CDH23: variants seen among roughly 807,000 people sequenced by gnomAD.
CDH23 encodes the protein cadherin-23.
CDH23 carries 189 observed loss-of-function variants against 317.1 expected under a neutral mutation model. The ratio of observed to expected loss-of-function variants is 0.60; its 90% CI spans 0.53 to 0.67. The LOEUF is 0.67. Among genes scored for constraint, CDH23 ranks in the 30% least tolerant of loss-of-function variants. The pLI is 0.00. For missense variants in CDH23, 4,401 were observed against 4,592.4 expected, an observed-to-expected ratio of 0.96 and a Z score of 1.20; for synonymous variants, 1,839 against 1,876.8, an observed-to-expected ratio of 0.98 and a Z score of 0.52.
chr10:71,397,225 C>T lies in CDH23; in HGVS notation c.-99C>T. The T allele has an allele frequency of 4.2e-6, 1 of 238,534 alleles. No homozygotes were observed. Among genetic ancestry groups the T allele is most frequent in the Non-Finnish European group, 8.4e-6 (1 of 119,196 alleles). 14.8% of individuals were successfully genotyped at this position (238,534 alleles called of 1,614,324 possible). On this transcript the variant is annotated 5_prime_UTR_variant, in exon 1 of 70. Coordinates refer to ENST00000224721, the MANE Select transcript of CDH23 (RefSeq NM_022124.6). The surrounding 1 kb of genome is among the most constrained non-coding windows in gnomAD (Gnocchi z 4.8). ...CGCCGGCGGGAAGACGCGGCGGTGG[C>T]CAGGGCCAGAGCAGGCGGCCCGCGG...
At chr10:71,659,784 C>G (rs1480287479) in intron 14 of CDH23, among the ~76,000 whole-genome samples, 9 of 152,154 alleles carry the variant, frequency 5.9e-5, no homozygotes, top group Admixed American at 5.9e-4. Context: ...TTGAACCTCT[C>G]TAGAAGGAGC....
chr10:71,557,365 G>T (rs569098805), intron 6 of CDH23, among the ~76,000 whole-genome samples: 1 of 152,250 alleles, frequency 6.6e-6, no homozygotes, highest in East Asian at 1.9e-4. Context: ...CATTCTCCCT[G>T]GAGTGTCCAC....
chr10:71,809,259 G>A (rs565817171), intron 60 of CDH23, among the ~76,000 whole-genome samples: 6 of 135,750 alleles, frequency 4.4e-5, no homozygotes, highest in Non-Finnish European at 9.2e-5. Context: ...GCTCACTGCA[G>A]CCTCTGCCTC....
chr10:71,636,894 C>T (rs1386355001), intron 11 of CDH23, among the ~76,000 whole-genome samples: 1 of 152,208 alleles, frequency 6.6e-6, no homozygotes, highest in East Asian at 1.9e-4. Flanking sequence ...CACCATGTGA[C>T]ATGGGCTTGC....
intron 26 of CDH23, 100 bp downstream of exon 26, chr10:71,707,149 G>A (rs146677585): frequency 1.3e-6 from 2 of 1,549,330 alleles, no homozygotes; most frequent in African/African-American, 2.7e-5. Context: ...GGTGAGGGTG[G>A]AAAAGAGGTC....
chr10:71,691,205 C>G (rs1325499524), intron 20 of CDH23, among the ~76,000 whole-genome samples: 2 of 152,266 alleles, frequency 1.3e-5, no homozygotes, highest in African/African-American at 4.8e-5. Context: ...CCTCAGTTTT[C>G]TCTCTTCCTT....
intron 6 of CDH23, among the ~76,000 whole-genome samples, chr10:71,518,693 A>G (rs1279494940): frequency 6.6e-6 from 1 of 152,238 alleles, no homozygotes; most frequent in East Asian, 1.9e-4. Flanking sequence ...CTGCCCACAC[A>G]CACACAGGCT....
At chr10:71,736,250 C>T (rs1839561627) in intron 34 of CDH23, among the ~76,000 whole-genome samples, 1 of 152,248 alleles carries the variant, frequency 6.6e-6, no homozygotes, top group African/African-American at 2.4e-5. Flanking sequence ...GAGAGGCTCC[C>T]AGGGGCCGCT....
chr10:71,431,068 T>C (rs145127437), intron 1 of CDH23, among the ~76,000 whole-genome samples: 2 of 152,236 alleles, frequency 1.3e-5, no homozygotes, highest in Non-Finnish European at 2.9e-5. Flanking sequence ...ACCTTGAGCG[T>C]TGCCTCTGGG....
intron 28 of CDH23, chr10:71,714,628 T>C (rs988572498): frequency 3.3e-5 from 5 of 152,228 alleles, no homozygotes; most frequent in African/African-American, 1.2e-4. Flanking sequence ...GAAAGATTAA[T>C]TGGAGCCAGC....
Position 71,789,387 on chromosome 10 carries a change from G to A in CDH23, c.5923+345G>A, listed in dbSNP as rs189856909. Among the ~76,000 whole-genome samples, 37 of 152,276 alleles carry A rather than the reference G, an allele frequency of 2.4e-4. No individual in the cohort carries two copies. The East Asian group carries it at 6.4e-3, about 26-fold the overall frequency. On this transcript the variant is annotated intron_variant, in intron 45 of 69. Coordinates refer to ENST00000224721, the MANE Select transcript of CDH23 (RefSeq NM_022124.6). The stretch of plus-strand genomic sequence containing the variant: ...TCACTGCTCCCTCCACCCCAGGAGT[G>A]CAGGGCATCCCAGGGCCTTCTGGAA...
chr10:71,774,809 G>C (rs1369236130), intron 38 of CDH23, among the ~76,000 whole-genome samples: 1 of 152,166 alleles, frequency 6.6e-6, no homozygotes, highest in African/African-American at 2.4e-5. Context: ...GAGAGGCAGA[G>C]GACACTCAGA....
intron 6 of CDH23, among the ~76,000 whole-genome samples, chr10:71,564,672 G>C (rs765402463): frequency 2.6e-5 from 4 of 152,206 alleles, no homozygotes; most frequent in Non-Finnish European, 5.9e-5. Context: ...CACGGGAGCC[G>C]TCCCTCTCCT....
In CDH23 at chr10:71,742,153, G is replaced by A. The variant is rs545420376; in HGVS notation, c.4845+232G>A. ...GGCCTCCCGAGTCTATAGCTACTCA[G>A]AAGCTCTGTTTAGTCCTCTTTTCTC... On this transcript the variant is annotated intron_variant, in intron 38 of 69. Transcript: ENST00000224721. The A allele has an allele frequency of 5.3e-5, 30 of 569,724 alleles. 1 individual carries two copies. Among genetic ancestry groups the A allele is most frequent in the Admixed American group, 3.3e-4 (11 of 32,896 alleles). 35.3% of individuals were successfully genotyped at this position (569,724 alleles called of 1,614,324 possible).
intron 8 of CDH23, among the ~76,000 whole-genome samples, chr10:71,576,070 C>T (rs529665076): frequency 2.0e-5 from 3 of 152,346 alleles, no homozygotes; most frequent in East Asian, 1.9e-4. Context: ...GAGCCCTGCC[C>T]GCCCAGGGGG....
At position 71,460,491 on chromosome 10, in the gene CDH23, G is replaced by A. The variant is rs908686828; in HGVS notation, c.145+14096G>A. On this transcript the variant is annotated intron_variant, in intron 3 of 69. Transcript: ENST00000224721. ...GATAATTCAAGATGAATATGCTGGC[G>A]TCCGACTGGAGTGAGATGGAGAGAT... 3.5e-4 allele frequency among the ~76,000 whole-genome samples: 54 copies of A among 152,378 alleles called. 1 individual carries two copies. Among genetic ancestry groups the A allele is most frequent in the African/African-American group, 1.3e-3 (52 of 41,588 alleles).
intron 28 of CDH23, chr10:71,713,170 G>T (rs1391884687): frequency 2.6e-6 from 2 of 779,262 alleles, no homozygotes; most frequent in South Asian, 2.7e-5. Flanking sequence ...CCAGGGCCCA[G>T]CAAGGCCCAG....
chr10:71,569,422 C>T (rs905908826), intron 7 of CDH23, among the ~76,000 whole-genome samples: 4 of 152,176 alleles, frequency 2.6e-5, no homozygotes, highest in Non-Finnish European at 4.4e-5. Flanking sequence ...TGGGGACAGT[C>T]GCTCCTCAAA....
rs186693562 is a variant in CDH23 at position 71,791,252 on chromosome 10, T to C, written c.6170T>C (p.Ile2057Thr). 43 of 1,613,818 alleles carry C rather than the reference T, an allele frequency of 2.7e-5. No homozygotes were observed. The African/African-American group carries it at 5.6e-4, about 21-fold the overall frequency. Reference protein sequence around the residue: ...GLLNSTAHLLITILDDNDNRP... With the variant: ...GLLNSTAHLLTTILDDNDNRP... ...CTCAACAGCACGGCCCACCTGCTCA[T>C]CACCATCCTGGATGACAATGACAAC... The change falls in exon 47 of 70, where the codon ATC becomes ACC. Residue 2057 changes from isoleucine (I) to threonine (T), a missense_variant. By Grantham distance (89) the Ile-to-Thr change is moderately conservative. Coordinates refer to ENST00000224721, the MANE Select transcript of CDH23 (RefSeq NM_022124.6).
Sources: allele counts gnomAD v4.1 joint callset (sites outside exome capture counted in the v4.1 genomes callset), GRCh38; gene constraint gnomAD v4.1.1; non-coding constraint Gnocchi (gnomAD v3.1); transcripts MANE v1.5; gene names NCBI Gene and HGNC (gene_info 2026-07-23, HGNC 2026-07-21).